Variants in PKHD1 observed in about 807,000 individuals in gnomAD.
The protein encoded by PKHD1 is fibrocystin.
A neutral mutation model predicts 412.0 loss-of-function variants in PKHD1; 291 were observed. That is an observed-to-expected ratio of 0.71 (90% CI 0.64 to 0.78). The LOEUF (loss-of-function observed/expected upper bound fraction) is 0.78, where lower values mean the gene tolerates loss of function less well. PKHD1 is among the 30% of genes least tolerant of loss of function. PKHD1 has a pLI of 0.00. For synonymous variants in PKHD1, 1,777 were observed against 1,821.5 expected, an observed-to-expected ratio of 0.98 and a Z score of 0.62; for missense variants, 4,825 against 4,950.7, an observed-to-expected ratio of 0.97 and a Z score of 0.76.
chr6:51,971,984 G>T (rs527425248), intron 35 of PKHD1, among the ~76,000 whole-genome samples: 1 of 151,916 alleles, frequency 6.6e-6, no homozygotes, highest in Non-Finnish European at 1.5e-5. Context: ...CGTCCAGCTC[G>T]GCCTCCCAAA....
At chr6:51,806,772 T>C (rs1023900456) in intron 52 of PKHD1, among the ~76,000 whole-genome samples, 2 of 151,884 alleles carry the variant, frequency 1.3e-5, no homozygotes, top group Non-Finnish European at 2.9e-5. Flanking sequence ...AAATGTCATA[T>C]AGAGAGGGAA....
intron 37 of PKHD1, among the ~76,000 whole-genome samples, chr6:51,922,751 C>G (rs901846901): frequency 1.3e-5 from 2 of 152,240 alleles, no homozygotes; most frequent in Non-Finnish European, 2.9e-5. Context: ...CCGAGCCAGG[C>G]ACGGGATATA....
At chr6:51,786,013 G>A (rs1182431532) in intron 53 of PKHD1, among the ~76,000 whole-genome samples, 1 of 152,076 alleles carries the variant, frequency 6.6e-6, no homozygotes, top group Non-Finnish European at 1.5e-5. Context: ...CATTGTTCAA[G>A]CATTTTAATA....
chr6:51,791,219 C>T lies in PKHD1; in HGVS notation c.8440+17G>A. 6.2e-7 allele frequency: 1 copy of T among 1,612,466 alleles called. No homozygotes were observed. Among genetic ancestry groups the T allele is most frequent in the Non-Finnish European group, 8.5e-7 (1 of 1,178,548 alleles). ...TATAATTCTCAACATGCTCGCAATC[C>T]TTGTGCCTTTACTCACCAACTTTCA... On this transcript the variant is annotated intron_variant, in intron 53 of 66. Coordinates refer to ENST00000371117, the MANE Select transcript of PKHD1 (RefSeq NM_138694.4).
At chr6:51,892,145 A>G (rs999383113) in intron 43 of PKHD1, among the ~76,000 whole-genome samples, 9 of 152,250 alleles carry the variant, frequency 5.9e-5, no homozygotes, top group Middle Eastern at 3.4e-3. Flanking sequence ...CCTGCACTTC[A>G]TTATTTTGGA....
rs1239343490 is a variant in PKHD1, at chr6:51,616,919, T to C, written c.*2162A>G. 2 of 377,608 alleles carry C rather than the reference T, an allele frequency of 5.3e-6. No individual in the cohort carries two copies. Among genetic ancestry groups the C allele is most frequent in the Non-Finnish European group, 9.4e-6 (2 of 213,232 alleles). The allele number at this position is 377,608 out of a possible 1,614,324, so 23.4% of individuals were successfully genotyped here. The stretch of plus-strand genomic sequence containing the variant: ...GAGTCATGACTGACTTCTAGATTTC[T>C]GGTCTGAGTGCAGTGATGTCATTCA... On this transcript the variant is annotated 3_prime_UTR_variant, in exon 67 of 67. Coordinates refer to ENST00000371117, the MANE Select transcript of PKHD1 (RefSeq NM_138694.4).
At chr6:51,634,862 C>A (rs938519144) in intron 64 of PKHD1, among the ~76,000 whole-genome samples, 5 of 152,104 alleles carry the variant, frequency 3.3e-5, no homozygotes, top group Non-Finnish European at 5.9e-5. Context: ...AAATATCAGG[C>A]AAAAGGCCCT....
intron 43 of PKHD1, among the ~76,000 whole-genome samples, chr6:51,897,678 G>A (rs1379426087): frequency 2.7e-5 from 4 of 146,252 alleles, no homozygotes; most frequent in South Asian, 2.4e-4. Flanking sequence ...AACTTTAAAT[G>A]TAAATGGACT....
At chr6:51,948,197 G>T (rs1260944415) in intron 36 of PKHD1, among the ~76,000 whole-genome samples, 1 of 152,026 alleles carries the variant, frequency 6.6e-6, no homozygotes, top group Non-Finnish European at 1.5e-5. Context: ...CTACCTCAGG[G>T]TTAATTCTCA....
intron 53 of PKHD1, among the ~76,000 whole-genome samples, chr6:51,781,794 A>C (rs527369663): frequency 2.0e-5 from 3 of 152,206 alleles, no homozygotes; most frequent in Non-Finnish European, 4.4e-5. Context: ...TAAAAAAATA[A>C]GGCAAGCTCT....
At chr6:52,013,118 G>A (rs1258687029) in intron 34 of PKHD1, among the ~76,000 whole-genome samples, 1 of 152,152 alleles carries the variant, frequency 6.6e-6, no homozygotes, top group Admixed American at 6.5e-5. Flanking sequence ...CTACAGACTT[G>A]AACTCAAGGA....
chr6:51,845,672 A>G (rs1324926475), intron 50 of PKHD1, among the ~76,000 whole-genome samples: 1 of 152,218 alleles, frequency 6.6e-6, no homozygotes, highest in African/African-American at 2.4e-5. Flanking sequence ...ATGTACCTCT[A>G]CATATAAGCA....
chr6:51,726,517 C>T (rs1441427303), intron 60 of PKHD1, among the ~76,000 whole-genome samples: 1 of 152,178 alleles, frequency 6.6e-6, no homozygotes, highest in African/African-American at 2.4e-5. Flanking sequence ...TTGGTATACC[C>T]CACATGAACT....
At chr6:52,078,730 CT>C (rs1811649172) in intron 5 of PKHD1, among the ~76,000 whole-genome samples, 2 of 152,186 alleles carry the variant, frequency 1.3e-5, no homozygotes, top group Admixed American at 1.3e-4. Context: ...AGCAGGAAAA[CT>C]ACCATCTGGG....
chr6:51,631,534 AC>A (rs1767917052), intron 65 of PKHD1, among the ~76,000 whole-genome samples: 1 of 152,024 alleles, frequency 6.6e-6, no homozygotes. Context: ...CTTTATTTTG[AC>A]TTTTTTCTCT....
chr6:52,070,457 A>G lies in PKHD1; in HGVS notation c.668-12T>C. 4 of 1,605,380 alleles carry G rather than the reference A, an allele frequency of 2.5e-6. No individual in the cohort carries two copies. The highest frequency in any genetic ancestry group is 1.7e-4 in the Middle Eastern group (1 of 6,050). ...AACATTCTGGGAGCCTGTAACACAA[A>G]GAAACACACATTAACTCAGGAATCT... On this transcript the variant is annotated splice_polypyrimidine_tract_variant and intron_variant, in intron 9 of 66. Coordinates refer to ENST00000371117, the MANE Select transcript of PKHD1 (RefSeq NM_138694.4).
chr6:52,077,826 G>C (rs1811529752), intron 5 of PKHD1, among the ~76,000 whole-genome samples: 1 of 152,126 alleles, frequency 6.6e-6, no homozygotes, highest in Non-Finnish European at 1.5e-5. Context: ...AAAAGATAAA[G>C]ATTAATACAG....
chr6:51,672,528 T>C (rs1217473015), intron 60 of PKHD1, among the ~76,000 whole-genome samples: 1 of 152,214 alleles, frequency 6.6e-6, no homozygotes, highest in Non-Finnish European at 1.5e-5. Flanking sequence ...ATCTTTATCA[T>C]CTTCACAGAA....
chr6:51,806,686 T>C (rs564802006), intron 52 of PKHD1, among the ~76,000 whole-genome samples: 11 of 125,134 alleles, frequency 8.8e-5, no homozygotes, highest in African/African-American at 3.1e-4. Context: ...TATCTAAAAA[T>C]AGATGAGGGT....
Sources: gnomAD v4.1 joint callset for allele counts (sites outside exome capture counted in the v4.1 genomes callset) on GRCh38, gnomAD v4.1.1 for gene constraint, MANE v1.5 for transcripts, NCBI Gene and HGNC (gene_info 2026-07-23, HGNC 2026-07-21) for gene names.